The following ADGRE5 variants were observed in gnomAD, a reference collection of about 807,000 sequenced individuals.
ADGRE5 encodes adhesion G protein-coupled receptor E5.
Under a neutral mutation model 100.3 loss-of-function variants are expected in ADGRE5, and 72 were observed. The observed-to-expected ratio is 0.72, with a 90% CI of 0.59 to 0.87. The LOEUF (loss-of-function observed/expected upper bound fraction) is 0.87. ADGRE5 is among the 40% of genes least tolerant of loss of function. ADGRE5 has a pLI of 0.00. For synonymous variants in ADGRE5, 439 were observed against 447.8 expected (o/e 0.98, Z 0.25); for missense variants, 959 against 1,094.7 (o/e 0.88, Z 1.75).
intron 4 of ADGRE5, among the ~76,000 whole-genome samples, chr19:14,395,353 C>T (rs536449254): frequency 6.6e-6 from 1 of 151,674 alleles, no homozygotes; most frequent in East Asian, 1.9e-4. Context: ...ATGAAGGAGG[C>T]GGCTCCAGCC....
rs776053657 is a variant in ADGRE5, at chr19:14,388,733, G to A, written c.105G>A (p.Ser35=). 9.3e-6 allele frequency: 15 copies of A among 1,613,606 alleles called. No homozygotes were observed. Among genetic ancestry groups the A allele is most frequent in the South Asian group, 3.3e-5 (3 of 91,068 alleles). Residue 35 remains serine (S), a synonymous_variant, in exon 3 of 20, where the codon TCG becomes TCA. Coordinates refer to ENST00000242786, the MANE Select transcript of ADGRE5 (RefSeq NM_078481.4). ...CCCGGTGGTGCCCTCAGAACTCCTC[G>A]TGTGTCAATGCCACCGCCTGTCGCT... is the stretch of plus-strand genomic sequence containing the variant. ...GCARWCPQNS[S]CVNATACRCN... is the part of the protein sequence containing the mutation.
chr19:14,394,343 G>A (rs1251669764), intron 4 of ADGRE5, among the ~76,000 whole-genome samples: 1 of 152,064 alleles, frequency 6.6e-6, no homozygotes, highest in Non-Finnish European at 1.5e-5. Context: ...TGCACCTGAG[G>A]ACACGTGCAC....
At position 14,408,185 on chromosome 19, in the gene ADGRE5, A is replaced by C; in HGVS notation, c.*64A>C. ...CACAGCAGCTTTGTACACGAAGACCATCCATCCTCCCTTCGTCCACCACTC... is the reference window on the plus strand; with the variant it reads ...CACAGCAGCTTTGTACACGAAGACCCTCCATCCTCCCTTCGTCCACCACTC... On this transcript the variant is annotated 3_prime_UTR_variant, in exon 20 of 20. Transcript: ENST00000242786. 6.4e-7 allele frequency: 1 copy of C among 1,557,280 alleles called. No homozygotes were observed. Among genetic ancestry groups the C allele is most frequent in the Non-Finnish European group, 8.8e-7 (1 of 1,134,036 alleles).
At chr19:14,398,188 C>T (rs760922029) in intron 9 of ADGRE5, 49 bp downstream of exon 9, 43 of 1,584,306 alleles carry the variant, frequency 2.7e-5, no homozygotes, top group Non-Finnish European at 3.4e-5. Context: ...AATCAGCTAG[C>T]GGAGGCTTCC....
rs767667516 is a variant in ADGRE5, at chr19:14,405,940, G to C, written c.1821+1G>C. The C allele has an allele frequency of 6.2e-7, 1 of 1,604,806 alleles. No individual in the cohort carries two copies. Among genetic ancestry groups the C allele is most frequent in the South Asian group, 1.1e-5 (1 of 90,994 alleles). ...CGGCATCGAGAACGAAGGCGGCCAG[G>C]TGAGGTCCCGCCCCGCTCCCTCCTG... On this transcript the variant is annotated splice_donor_variant, in intron 14 of 19. Coordinates refer to ENST00000242786, the MANE Select transcript of ADGRE5 (RefSeq NM_078481.4). LOFTEE classifies it high-confidence loss of function.
rs28548336 is a variant in ADGRE5 at position 14,401,636 on chromosome 19, T to C, written c.1076-17T>C. 0.037 allele frequency: 59,854 copies of C among 1,602,106 alleles called. 2,117 individuals are homozygous for C. Among genetic ancestry groups the C allele is most frequent in the African/African-American group, 0.18 (13,782 of 74,576 alleles). ...GGTACCTGGGGTCCCTAATCACAAC[T>C]GCCCCTCTCCCCTCAGAGCTGACCC... is the stretch of plus-strand genomic sequence containing the variant. On this transcript the variant is annotated splice_polypyrimidine_tract_variant and intron_variant, in intron 10 of 19. Coordinates refer to ENST00000242786, the MANE Select transcript of ADGRE5 (RefSeq NM_078481.4). This position sits in a 1 kb window ranked among gnomAD's most constrained non-coding sequence, Gnocchi z 4.1.
Position 14,404,390 on chromosome 19 carries a change from T to C in ADGRE5, c.1457T>C (p.Met486Thr), listed in dbSNP as rs771532490. The C allele has an allele frequency of 1.6e-5, 26 of 1,609,112 alleles. No individual in the cohort carries two copies. In the South Asian group the frequency reaches 2.8e-4, roughly 17 times the overall value. The change falls in exon 13 of 20, where the codon ATG becomes ACG. Residue 486 changes from methionine (M) to threonine (T), a missense_variant. Coordinates refer to ENST00000242786, the MANE Select transcript of ADGRE5 (RefSeq NM_078481.4). ...AGRDPPAKDVMPGPRQELLCA... is the reference protein window; with the variant it reads ...AGRDPPAKDVTPGPRQELLCA... ...ACCCCCATCTGCCCACAGGACGTGA[T>C]GCCTGGGCCACGGCAGGAGCTGCTC...
intron 1 of ADGRE5, among the ~76,000 whole-genome samples, chr19:14,387,246 AC>A (rs1975390542): frequency 6.6e-6 from 1 of 151,556 alleles, no homozygotes; most frequent in South Asian, 2.1e-4. Flanking sequence ...CTCCCCACAC[AC>A]CCCAGGTCAG....
chr19:14,407,363 A>T (rs1976304531), intron 18 of ADGRE5, 134 bp downstream of exon 18: 1 of 1,053,882 alleles, frequency 9.5e-7, no homozygotes, highest in South Asian at 1.5e-5. Context: ...TTTACAAAAA[A>T]ATTCAAAGAT....
At chr19:14,382,291 G>A (rs1274805605) in intron 1 of ADGRE5, among the ~76,000 whole-genome samples, 2 of 152,198 alleles carry the variant, frequency 1.3e-5, no homozygotes, top group Non-Finnish European at 2.9e-5. Context: ...GCAGGTGTCA[G>A]CTCAGCACCC....
At chr19:14,385,345 C>G (rs1408239052) in intron 1 of ADGRE5, among the ~76,000 whole-genome samples, 1 of 151,950 alleles carries the variant, frequency 6.6e-6, no homozygotes, top group Non-Finnish European at 1.5e-5. Flanking sequence ...CTTTGTGTCT[C>G]TGTCTCTCTT....
In ADGRE5 at chr19:14,381,485, T is replaced by G. The variant is rs115061086; in HGVS notation, c.-39T>G. 2.5e-3 allele frequency: 4,016 copies of G among 1,609,744 alleles called. 81 individuals are homozygous for G. In the African/African-American group the frequency reaches 0.047, roughly 19 times the overall value. Reference sequence around the variant, plus strand: ...TGGAGACGGGACAGCCCTGTCCCACTCACTCTTTCCCCTGCCGCTCCTGCC... The same window carrying G: ...TGGAGACGGGACAGCCCTGTCCCACGCACTCTTTCCCCTGCCGCTCCTGCC... On this transcript the variant is annotated 5_prime_UTR_variant, in exon 1 of 20. Coordinates refer to ENST00000242786, the MANE Select transcript of ADGRE5 (RefSeq NM_078481.4).
intron 1 of ADGRE5, chr19:14,386,497 T>A (rs1975357658): frequency 7.2e-6 from 1 of 139,636 alleles, no homozygotes; most frequent in Non-Finnish European, 1.5e-5. Context: ...AAGACTACCA[T>A]CCTGGCTAAC....
At chr19:14,387,529 C>T (rs1451459022) in intron 1 of ADGRE5, among the ~76,000 whole-genome samples, 1 of 150,730 alleles carries the variant, frequency 6.6e-6, no homozygotes, top group East Asian at 2.0e-4. Flanking sequence ...GAGATCGAGA[C>T]CATACTGGCT....
rs1278287398 is a variant in ADGRE5 at position 14,401,640 on chromosome 19, C to T, written c.1076-13C>T. 1.9e-6 allele frequency: 3 copies of T among 1,602,304 alleles called. No homozygotes were observed. Among genetic ancestry groups the T allele is most frequent in the Non-Finnish European group, 2.6e-6 (3 of 1,173,664 alleles). ...CCTGGGGTCCCTAATCACAACTGCC[C>T]CTCTCCCCTCAGAGCTGACCCTGAT... On this transcript the variant is annotated splice_polypyrimidine_tract_variant and intron_variant, in intron 10 of 19. Coordinates refer to ENST00000242786, the MANE Select transcript of ADGRE5 (RefSeq NM_078481.4). The surrounding 1 kb of genome is among the most constrained non-coding windows in gnomAD (Gnocchi z 4.1).
chr19:14,407,197 C>A lies in ADGRE5; in HGVS notation c.2344C>A (p.Leu782Ile). ...TILNCLQGAF[L>I]YLLHCLLNKK... The stretch of plus-strand genomic sequence containing the variant: ...CCTCAACTGCCTGCAGGGCGCCTTC[C>A]TCTACCTGCTGCACTGCCTGCTCAA... The change falls in exon 18 of 20, where the codon CTC becomes ATC. Residue 782 changes from leucine (L) to isoleucine (I), a missense_variant. By Grantham distance (5) the Leu-to-Ile change is conservative. Around this residue, in one of 6 missense-constraint regions of ADGRE5, gnomAD observed 428 missense variants for 386.2 expected, o/e 1.11. Transcript: ENST00000242786. The A allele has an allele frequency of 6.2e-7, 1 of 1,614,102 alleles. No homozygotes were observed. The highest frequency in any genetic ancestry group is 1.1e-5 in the South Asian group (1 of 91,088).
intron 9 of ADGRE5, 138 bp downstream of exon 9, chr19:14,398,277 A>C: frequency 2.8e-6 from 2 of 714,272 alleles, no homozygotes; most frequent in East Asian, 2.7e-5. Context: ...CACACACCAC[A>C]TACAGTATGT....
Position 14,401,598 on chromosome 19 carries a change from C to T in ADGRE5, c.1075+35C>T, listed in dbSNP as rs770014400. The T allele has an allele frequency of 1.2e-6, 2 of 1,607,914 alleles. No homozygotes were observed. The highest frequency in any genetic ancestry group is 1.1e-5 in the South Asian group (1 of 90,628). On this transcript the variant is annotated intron_variant, in intron 10 of 19. Transcript: ENST00000242786. The surrounding 1 kb of genome is among the most constrained non-coding windows in gnomAD (Gnocchi z 4.1). ...TGGCCTGGCCTGCCCTGCCCCAACC[C>T]TGGGCCCCACCTGGTACCTGGGGTC... is the stretch of plus-strand genomic sequence containing the variant.
chr19:14,395,024 G>A (rs1975724315), intron 4 of ADGRE5, among the ~76,000 whole-genome samples: 1 of 152,166 alleles, frequency 6.6e-6, no homozygotes, highest in Non-Finnish European at 1.5e-5. Flanking sequence ...CAGAGGGCTG[G>A]GTGCCGTGAC....
Sources: allele counts gnomAD v4.1 joint callset (sites outside exome capture counted in the v4.1 genomes callset), GRCh38; gene constraint gnomAD v4.1.1; regional missense constraint gnomAD v4.1.1; non-coding constraint Gnocchi (gnomAD v3.1); transcripts MANE v1.5; gene names NCBI Gene and HGNC (gene_info 2026-07-23, HGNC 2026-07-21).